REV3L: variants seen among roughly 807,000 people sequenced by gnomAD.
REV3L encodes the protein REV3 like, DNA directed polymerase zeta catalytic subunit.
Under a neutral mutation model 299.4 loss-of-function variants are expected in REV3L, and 69 were observed. The ratio of observed to expected loss-of-function variants is 0.23; its 90% CI spans 0.19 to 0.28. The LOEUF (loss-of-function observed/expected upper bound fraction) is 0.28, where lower values mean the gene tolerates loss of function less well. Ranked by LOEUF, REV3L falls within the 10% of genes least tolerant of loss-of-function variation. REV3L has a pLI of 1.00. For missense variants in REV3L, 3,128 were observed against 3,693.8 expected (o/e 0.85, Z 3.97); for synonymous variants, 1,238 against 1,271.4 (o/e 0.97, Z 0.56).
intron 14 of REV3L, among the ~76,000 whole-genome samples, chr6:111,365,801 G>A (rs1562189391): frequency 6.6e-6 from 1 of 152,140 alleles, no homozygotes; most frequent in East Asian, 1.9e-4. Context: ...AGGTTTCCTG[G>A]AGGTAAAATC....
intron 28 of REV3L, chr6:111,311,967 C>T (rs1206662073): frequency 1.3e-5 from 2 of 152,168 alleles, no homozygotes; most frequent in African/African-American, 2.4e-5. Context: ...GCCACCACGC[C>T]CGGCTAATTT....
intron 4 of REV3L, among the ~76,000 whole-genome samples, chr6:111,402,006 T>C (rs138937587): frequency 0.019 from 2,934 of 152,144 alleles, 60 homozygotes; most frequent in South Asian, 0.058. Flanking sequence ...CCCAGTTACT[T>C]GGGAGACTGA....
In REV3L at chr6:111,374,056, C is replaced by G; in HGVS notation, c.4299G>C (p.Ala1433=). 6.2e-7 allele frequency: 1 copy of G among 1,614,076 alleles called. No homozygotes were observed. Residue 1433 remains alanine, a synonymous_variant, in exon 13 of 32, where the codon GCG becomes GCC. Transcript: ENST00000368802. ...AAGTTTCACTGTGCTTTGACTGTTC[C>G]GCTATGCACACAATCTGCTGCTGAC... ...KDSQQQIVCI[A]EQSKHSETCS... is the part of the protein sequence containing the mutation.
chr6:111,373,630 T>G lies in REV3L; in HGVS notation c.4725A>C (p.Arg1575=). ...LEHNKANKRT[R]SVTSPRKPRT... is the part of the protein sequence containing the mutation. ...GAGGTTTTCTTGGGGACGTTACCGA[T>G]CGTGTCCGTTTATTTGCTTTGTTAT... Residue 1575 remains arginine, a synonymous_variant, in exon 13 of 32, where the codon CGA becomes CGC. Coordinates refer to ENST00000368802, the MANE Select transcript of REV3L (RefSeq NM_001372078.1). 6.2e-7 allele frequency: 1 copy of G among 1,614,156 alleles called. No individual in the cohort carries two copies. The highest frequency in any genetic ancestry group is 8.5e-7 in the Non-Finnish European group (1 of 1,180,012).
At chr6:111,456,104 C>T (rs563660496) in intron 1 of REV3L, among the ~76,000 whole-genome samples, 3 of 152,208 alleles carry the variant, frequency 2.0e-5, no homozygotes, top group Admixed American at 1.3e-4. Context: ...GTGTAGTATA[C>T]TCTATGATGT....
At chr6:111,309,831 A>C in intron 30 of REV3L, 22 bp downstream of exon 30, 1 of 1,609,618 alleles carries the variant, frequency 6.2e-7, no homozygotes, top group Non-Finnish European at 8.5e-7. Context: ...GTTAGAGCAC[A>C]TGTACTATTT....
At position 111,447,337 on chromosome 6, in the gene REV3L, TAC is replaced by T. The variant is rs1373319305; in HGVS notation, c.140-30867_140-30866del. On this transcript the variant is annotated intron_variant, in intron 1 of 31. Coordinates refer to ENST00000368802, the MANE Select transcript of REV3L (RefSeq NM_001372078.1). ...CAAATGCTTGCTATTAGAAAACACT[TAC>T]AGAGAAAAATGCAATCTCACTAACT... is the stretch of plus-strand genomic sequence containing the variant. 3.3e-5 allele frequency among the ~76,000 whole-genome samples: 5 copies of T among 152,258 alleles called. No homozygotes were observed. In the East Asian group the frequency reaches 9.6e-4, roughly 29 times the overall value.
At chr6:111,365,695 T>A (rs1779117468) in intron 14 of REV3L, among the ~76,000 whole-genome samples, 1 of 152,098 alleles carries the variant, frequency 6.6e-6, no homozygotes, top group Non-Finnish European at 1.5e-5. Context: ...GAATCAGACA[T>A]TCATCAAACA....
chr6:111,464,062 C>T (rs1010495875), intron 1 of REV3L, among the ~76,000 whole-genome samples: 14 of 151,962 alleles, frequency 9.2e-5, no homozygotes, highest in African/African-American at 3.1e-4. Context: ...GCCTTTACAA[C>T]CTGGAGGCTT....
At chr6:111,309,694 C>T in intron 30 of REV3L, 159 bp downstream of exon 30, 4 of 740,612 alleles carry the variant, frequency 5.4e-6, no homozygotes, top group Non-Finnish European at 8.1e-6. Flanking sequence ...CTTTCTCTAC[C>T]CAGCACTTCC....
At chr6:111,392,693 G>T in intron 5 of REV3L, 183 bp downstream of exon 5, 1 of 462,952 alleles carries the variant, frequency 2.2e-6, no homozygotes, top group Non-Finnish European at 3.9e-6. Flanking sequence ...ACATTTTCAT[G>T]GTTTGTTTTT....
chr6:111,309,815 T>C (rs921604034), intron 30 of REV3L, 38 bp downstream of exon 30: 4 of 1,591,528 alleles, frequency 2.5e-6, no homozygotes, highest in Middle Eastern at 1.8e-4. Flanking sequence ...GTGAAATCTC[T>C]CCATAGTTAG....
intron 23 of REV3L, among the ~76,000 whole-genome samples, chr6:111,332,698 C>T (rs942333505): frequency 7.2e-5 from 11 of 152,136 alleles, no homozygotes; most frequent in African/African-American, 2.4e-4. Context: ...ATTTAATTTA[C>T]ATTAATTAAT....
rs184741891 is a variant in REV3L at position 111,350,428 on chromosome 6, A to T, written c.7301-1092T>A. On this transcript the variant is annotated intron_variant, in intron 19 of 31. Transcript: ENST00000368802. ...AAGTTCTATTATCCCTATTTTACAG[A>T]TGAATAAACTGAGACAAGGATATTT... 7.4e-4 allele frequency among the ~76,000 whole-genome samples: 112 copies of T among 152,250 alleles called. 1 individual carries two copies. The Middle Eastern group carries it at 0.01, about 14-fold the overall frequency.
chr6:111,439,333 A>C (rs1209097671), intron 1 of REV3L, among the ~76,000 whole-genome samples: 1 of 152,190 alleles, frequency 6.6e-6, no homozygotes, highest in Non-Finnish European at 1.5e-5. Context: ...ACTGCTAACA[A>C]ATGTACAGTG....
intron 1 of REV3L, among the ~76,000 whole-genome samples, chr6:111,477,370 G>A (rs1354865180): frequency 6.6e-6 from 1 of 152,182 alleles, no homozygotes; most frequent in Non-Finnish European, 1.5e-5. Flanking sequence ...AAAAACAGAT[G>A]TTAATCTCCA....
Position 111,450,907 on chromosome 6 carries a change from A to G in REV3L, c.139+31843T>C, listed in dbSNP as rs918537573. On this transcript the variant is annotated intron_variant, in intron 1 of 31. Coordinates refer to ENST00000368802, the MANE Select transcript of REV3L (RefSeq NM_001372078.1). ...GTGTTATGCAGAAAAGTGGAATGAG[A>G]TATTACCTATAAACTATCCTAGTCA... 2.0e-5 allele frequency among the ~76,000 whole-genome samples: 3 copies of G among 152,226 alleles called. No homozygotes were observed. In the East Asian group the frequency reaches 5.8e-4, roughly 29 times the overall value.
At chr6:111,483,582 G>T (rs1173104308), upstream of REV3L, 1 of 467,194 alleles carries the variant, frequency 2.1e-6, no homozygotes, top group Non-Finnish European at 4.2e-6. Flanking sequence ...GGCAGGAGCT[G>T]CGATGCTCAC....
Position 111,482,821 on chromosome 6 carries a change from C to T in REV3L, c.68G>A (p.Cys23Tyr), listed in dbSNP as rs1793927932. Residue 23 changes from cysteine (C) to tyrosine (Y), a missense_variant, in exon 1 of 32, where the codon TGC (cysteine) becomes TAC (tyrosine). Cys to Tyr is a radical substitution (Grantham distance 194). Transcript: ENST00000368802. The part of the protein sequence containing the change: ...MASPLQGLDT[C>Y]QSPLTQAPVK... Reference sequence around the variant, plus strand: ...AGGGGCCTGGGTGAGGGGGGATTGGCAGGTATCCAGCCCCTGCAGCGGGCT... The same window carrying T: ...AGGGGCCTGGGTGAGGGGGGATTGGTAGGTATCCAGCCCCTGCAGCGGGCT... 2.7e-6 allele frequency: 4 copies of T among 1,505,126 alleles called. No homozygotes were observed. 93.2% of individuals were successfully genotyped at this position (1,505,126 alleles called of 1,614,324 possible).
Sources: gnomAD v4.1 joint callset for allele counts (sites outside exome capture counted in the v4.1 genomes callset) on GRCh38, gnomAD v4.1.1 for gene constraint, MANE v1.5 for transcripts, NCBI Gene and HGNC (gene_info 2026-07-23, HGNC 2026-07-21) for gene names.